Variants in AUTS2 observed in about 807,000 individuals in gnomAD.
AUTS2 encodes the protein activator of transcription and developmental regulator AUTS2.
Under a neutral mutation model 112.4 loss-of-function variants are expected in AUTS2, and 17 were observed. The observed-to-expected ratio is 0.15, with a 90% CI of 0.10 to 0.23. The LOEUF is 0.23. AUTS2 is among the 10% of genes least tolerant of loss of function. AUTS2 has a pLI of 1.00. For missense variants in AUTS2, 1,510 were observed against 1,701.6 expected, an observed-to-expected ratio of 0.89 and a Z score of 1.98; for synonymous variants, 751 against 702.7, an observed-to-expected ratio of 1.07 and a Z score of -1.09.
intron 4 of AUTS2, among the ~76,000 whole-genome samples, chr7:70,307,514 C>T (rs1487084523): frequency 6.6e-6 from 1 of 152,224 alleles, no homozygotes; most frequent in African/African-American, 2.4e-5. Context: ...AGTGTGCTCA[C>T]TAAAGTTTTT....
At chr7:69,802,622 A>G (rs143251915) in intron 1 of AUTS2, among the ~76,000 whole-genome samples, 47 of 152,294 alleles carry the variant, frequency 3.1e-4, no homozygotes, top group Non-Finnish European at 5.3e-4. Context: ...TTCTTTCTGA[A>G]CCTTAGAGTA....
intron 4 of AUTS2, among the ~76,000 whole-genome samples, chr7:70,306,194 G>C (rs1206774591): frequency 2.6e-5 from 4 of 152,212 alleles, no homozygotes; most frequent in African/African-American, 9.6e-5. Context: ...TTGAAAGAAA[G>C]CTCATTGACC....
At chr7:70,676,065 G>C (rs1450992151) in intron 5 of AUTS2, among the ~76,000 whole-genome samples, 1 of 152,180 alleles carries the variant, frequency 6.6e-6, no homozygotes, top group African/African-American at 2.4e-5. Context: ...AAATGGCCTA[G>C]GAATGTAAAG....
At chr7:70,335,282 A>G (rs1271566175) in intron 4 of AUTS2, among the ~76,000 whole-genome samples, 3 of 152,162 alleles carry the variant, frequency 2.0e-5, no homozygotes, top group African/African-American at 7.2e-5. Context: ...CATTCCATTA[A>G]GTGTGCTCAA....
intron 5 of AUTS2, among the ~76,000 whole-genome samples, chr7:70,662,225 G>C (rs1233635436): frequency 6.6e-6 from 1 of 152,246 alleles, no homozygotes; most frequent in Non-Finnish European, 1.5e-5. Context: ...GTGGCAGCGT[G>C]CTTTGGGCAG....
intron 4 of AUTS2, among the ~76,000 whole-genome samples, chr7:70,411,920 CTTTTTTTTTTT>C (rs545022866): frequency 7.6e-6 from 1 of 130,908 alleles, no homozygotes; most frequent in Non-Finnish European, 1.6e-5. Flanking sequence ...TTCCTTTTTT[CTTTTTTTTTTT>C]TTTTTGAGAC....
chr7:70,259,193 G>C lies in AUTS2; in HGVS notation c.660+124622G>C, dbSNP rs371172566. On this transcript the variant is annotated intron_variant, in intron 4 of 18. Coordinates refer to ENST00000342771, the MANE Select transcript of AUTS2 (RefSeq NM_015570.4). Reference sequence around the variant, plus strand: ...CGAGCATGGTATGCATTCTGCAGCTGTCACAGAGCCTTCCTTCTGGTACCA... The same window carrying C: ...CGAGCATGGTATGCATTCTGCAGCTCTCACAGAGCCTTCCTTCTGGTACCA... Among the ~76,000 whole-genome samples the C allele has an allele frequency of 4.6e-5, 7 of 152,190 alleles. No homozygotes were observed. In the East Asian group the frequency reaches 1.4e-3, roughly 29 times the overall value.
chr7:70,458,024 C>T (rs1454991294), intron 5 of AUTS2, among the ~76,000 whole-genome samples: 3 of 148,460 alleles, frequency 2.0e-5, no homozygotes. Flanking sequence ...AAAGGCTGAA[C>T]ACAAAGCCCC....
At chr7:70,181,736 C>T (rs1009061733) in intron 4 of AUTS2, among the ~76,000 whole-genome samples, 2 of 150,836 alleles carry the variant, frequency 1.3e-5, no homozygotes, top group South Asian at 2.1e-4. Context: ...TGATCCGCCC[C>T]CCTCGGCCTC....
chr7:70,721,264 A>G (rs1786648111), intron 6 of AUTS2, among the ~76,000 whole-genome samples: 2 of 137,730 alleles, frequency 1.5e-5, no homozygotes, highest in Admixed American at 1.6e-4. Flanking sequence ...CGTGTGTGAC[A>G]GCCAGAATTT....
At chr7:69,665,102 C>T (rs868621222) in intron 1 of AUTS2, among the ~76,000 whole-genome samples, 15 of 152,254 alleles carry the variant, frequency 9.9e-5, no homozygotes, top group Middle Eastern at 3.4e-3. Context: ...AGCTGTGGCT[C>T]CTGAAATACA....
At chr7:69,982,139 A>G (rs1798320219) in intron 2 of AUTS2, among the ~76,000 whole-genome samples, 1 of 152,212 alleles carries the variant, frequency 6.6e-6, no homozygotes, top group Non-Finnish European at 1.5e-5. Context: ...TGGTCCTGAA[A>G]ACATTTTTGT....
chr7:70,710,371 A>G (rs1809986290), intron 6 of AUTS2, among the ~76,000 whole-genome samples: 1 of 152,146 alleles, frequency 6.6e-6, no homozygotes, highest in African/African-American at 2.4e-5. Context: ...GCCATTGTAG[A>G]TAATCGAAAG....
chr7:70,048,672 G>A (rs1046983570), intron 2 of AUTS2, among the ~76,000 whole-genome samples: 2 of 152,168 alleles, frequency 1.3e-5, no homozygotes, highest in African/African-American at 2.4e-5. Flanking sequence ...CCTATTATAC[G>A]TTGAAATTTT....
intron 2 of AUTS2, among the ~76,000 whole-genome samples, chr7:69,900,533 A>G (rs998977014): frequency 4.6e-5 from 7 of 152,218 alleles, no homozygotes; most frequent in Non-Finnish European, 1.0e-4. Context: ...TTAGGACCTA[A>G]TGACATTTGT....
intron 5 of AUTS2, among the ~76,000 whole-genome samples, chr7:70,625,174 T>G (rs1804873250): frequency 6.6e-6 from 1 of 152,140 alleles, no homozygotes; most frequent in South Asian, 2.1e-4. Context: ...AATTAGAGAT[T>G]CTCTTGTAGT....
At chr7:70,343,244 A>C (rs1791351805) in intron 4 of AUTS2, among the ~76,000 whole-genome samples, 1 of 152,222 alleles carries the variant, frequency 6.6e-6, no homozygotes, top group Non-Finnish European at 1.5e-5. Context: ...GGGTAAAGTT[A>C]ACAACCTGGA....
intron 5 of AUTS2, among the ~76,000 whole-genome samples, chr7:70,636,621 A>C (rs940372465): frequency 1.3e-5 from 2 of 150,646 alleles, no homozygotes; most frequent in African/African-American, 4.9e-5. Context: ...TGTGAGGATT[A>C]AGTTAAATTG....
intron 5 of AUTS2, among the ~76,000 whole-genome samples, chr7:70,570,293 C>T (rs1801884743): frequency 6.6e-6 from 1 of 152,218 alleles, no homozygotes; most frequent in African/African-American, 2.4e-5. Context: ...TAGGTGTTTC[C>T]TTCTCCAGAG....
Sources: gnomAD v4.1 joint callset for allele counts (sites outside exome capture counted in the v4.1 genomes callset) on GRCh38, gnomAD v4.1.1 for gene constraint, MANE v1.5 for transcripts, NCBI Gene and HGNC (gene_info 2026-07-23, HGNC 2026-07-21) for gene names.